MED4: variants seen among roughly 807,000 people sequenced by gnomAD.
The protein encoded by MED4 is mediator complex subunit 4.
A neutral mutation model predicts 35.0 loss-of-function variants in MED4; 21 were observed. The ratio of observed to expected loss-of-function variants is 0.60; its 90% CI spans 0.43 to 0.86. MED4 has a LOEUF of 0.86. MED4 is among the 40% of genes least tolerant of loss of function. The pLI, the probability that MED4 is intolerant of heterozygous loss-of-function variation, is 0.00. For missense variants in MED4, 300 were observed against 319.4 expected (o/e 0.94, Z 0.46); for synonymous variants, 138 against 114.0 (o/e 1.21, Z -1.34).
rs150483281 is a variant in MED4, at chr13:48,090,361, C to G, written c.183G>C (p.Glu61Asp). ...SRNQKLLQAG[E>D]ENQVLELLIH... ...AAAAGAAGCCACTTACCTGGTTTTC[C>G]TCTCCAGCCTGTAACAACTTTTGGT... The change falls in exon 2 of 7, where the codon GAG becomes GAC. Residue 61 changes from glutamate (E) to aspartate (D), a missense_variant. Coordinates refer to ENST00000258648, the MANE Select transcript of MED4 (RefSeq NM_014166.4). The G allele has an allele frequency of 2.1e-5, 33 of 1,582,054 alleles. No homozygotes were observed. The African/African-American group carries it at 3.9e-4, about 19-fold the overall frequency.
intron 6 of MED4, 130 bp downstream of exon 6, chr13:48,079,714 C>CCT: frequency 9.0e-7 from 1 of 1,109,846 alleles, no homozygotes; most frequent in Non-Finnish European, 1.3e-6. Context: ...CATAACAAGA[C>CCT]TGTCTCAAAT....
At chr13:48,090,475 G>GACA in intron 1 of MED4, 57 bp from the exon 2 acceptor site, 1 of 1,376,660 alleles carries the variant, frequency 7.3e-7, no homozygotes. Flanking sequence ...TGAACACTCA[G>GACA]GGCTACTCCC....
intron 3 of MED4, among the ~76,000 whole-genome samples, chr13:48,084,466 A>G (rs749460505): frequency 6.6e-6 from 1 of 152,122 alleles, no homozygotes; most frequent in Non-Finnish European, 1.5e-5. Context: ...CTGGTGCCTA[A>G]GTGCTCAATC....
chr13:48,088,459 T>C (rs12585766), intron 2 of MED4, among the ~76,000 whole-genome samples: 1,841 of 152,312 alleles, frequency 0.012, 63 homozygotes, highest in East Asian at 0.097. Flanking sequence ...AAGTAAAGTA[T>C]ATTCTATTTA....
intron 1 of MED4, among the ~76,000 whole-genome samples, chr13:48,091,706 C>T (rs960735643): frequency 3.3e-5 from 5 of 152,066 alleles, no homozygotes; most frequent in African/African-American, 1.2e-4. Context: ...TCAAAGTGAA[C>T]AATGGCACTT....
intron 3 of MED4, among the ~76,000 whole-genome samples, chr13:48,084,265 C>CAAAAAAAAAAAAAAAAAAAAA: frequency 9.1e-6 from 1 of 109,954 alleles, no homozygotes; most frequent in African/African-American, 3.6e-5. Context: ...GACTCTGTCT[C>CAAAAAAAAAAAAAAAAAAAAA]AAAAAAAAAA....
At chr13:48,083,504 GA>G in intron 3 of MED4, 76 bp from the exon 4 acceptor site, 1 of 1,165,616 alleles carries the variant, frequency 8.6e-7, no homozygotes, top group Non-Finnish European at 1.3e-6. Context: ...TAATTCACAA[GA>G]TCCTTTAGCC....
intron 2 of MED4, among the ~76,000 whole-genome samples, chr13:48,089,165 T>TAGAAGACTAGTAGTCTTCTATTAAC (rs1950872981): frequency 1.4e-5 from 2 of 145,472 alleles, no homozygotes; most frequent in Non-Finnish European, 3.0e-5. Flanking sequence ...TTAACATATT[T>TAGAAGACTAGTAGTCTTCTATTAAC]ATCTCTAGCC....
chr13:48,082,483 T>C (rs1418450022), intron 4 of MED4, among the ~76,000 whole-genome samples: 1 of 152,190 alleles, frequency 6.6e-6, no homozygotes, highest in Non-Finnish European at 1.5e-5. Flanking sequence ...CAGCCATCTC[T>C]CCTAGAGATT....
Position 48,076,761 on chromosome 13 carries a change from T to A in MED4, c.*378A>T, listed in dbSNP as rs1273082325. 1 of 156,552 alleles carries A rather than the reference T, an allele frequency of 6.4e-6. No individual in the cohort carries two copies. The highest frequency in any genetic ancestry group is 1.9e-4 in the East Asian group (1 of 5,360). The allele number at this position is 156,552 out of a possible 1,614,324, so 9.7% of individuals were successfully genotyped here. ...CAGTCATCCACTGCCAGTTTAAAAATGCTTTTCTAAATAATTCCAAGAAGC... is the reference window on the plus strand; with the variant it reads ...CAGTCATCCACTGCCAGTTTAAAAAAGCTTTTCTAAATAATTCCAAGAAGC... On this transcript the variant is annotated 3_prime_UTR_variant, in exon 7 of 7. Coordinates refer to ENST00000258648, the MANE Select transcript of MED4 (RefSeq NM_014166.4).
At chr13:48,087,565 A>G (rs1236690809) in intron 2 of MED4, among the ~76,000 whole-genome samples, 1 of 151,812 alleles carries the variant, frequency 6.6e-6, no homozygotes, top group Non-Finnish European at 1.5e-5. Context: ...AAATACGGTG[A>G]TTTCGGCCAG....
intron 4 of MED4, among the ~76,000 whole-genome samples, chr13:48,082,068 C>A (rs1222114783): frequency 6.6e-6 from 1 of 152,074 alleles, no homozygotes; most frequent in East Asian, 1.9e-4. Context: ...TTTCATTTCT[C>A]AAAGACATCC....
intron 5 of MED4, 113 bp downstream of exon 5, chr13:48,081,532 T>C (rs1189004740): frequency 1.7e-6 from 1 of 572,820 alleles, no homozygotes; most frequent in Non-Finnish European, 2.8e-6. Context: ...TGAAAATATG[T>C]GGCAGAGGTT....
intron 2 of MED4, among the ~76,000 whole-genome samples, chr13:48,087,677 T>C (rs1301856631): frequency 6.6e-6 from 1 of 151,814 alleles, no homozygotes; most frequent in African/African-American, 2.4e-5. Context: ...TGGTGAAACT[T>C]CGTCTCTACT....
chr13:48,090,258 A>G, intron 2 of MED4, 94 bp downstream of exon 2: 10 of 956,052 alleles, frequency 1.0e-5, no homozygotes, highest in Non-Finnish European at 1.6e-5. Context: ...TCCCACACAA[A>G]GTAAATATAA....
intron 3 of MED4, among the ~76,000 whole-genome samples, chr13:48,086,076 G>A (rs1452226785): frequency 2.0e-5 from 3 of 152,074 alleles, no homozygotes; most frequent in African/African-American, 4.8e-5. Context: ...TGGCTCACAA[G>A]TAATGCAGAC....
At position 48,076,206 on chromosome 13, in the gene MED4, T is replaced by C. The variant is rs567543597; in HGVS notation, c.*933A>G. The C allele has an allele frequency of 2.6e-5, 4 of 152,184 alleles. No homozygotes were observed. The highest frequency in any genetic ancestry group is 5.9e-5 in the Non-Finnish European group (4 of 68,014). 9.4% of individuals were successfully genotyped at this position (152,184 alleles called of 1,614,324 possible). A position where few individuals can be genotyped will look rare whatever the true frequency, so the allele number is the denominator to read the frequency against. On this transcript the variant is annotated 3_prime_UTR_variant, in exon 7 of 7. Transcript: ENST00000258648. Reference sequence around the variant, plus strand: ...ATTACCTTTGAAATCAGAAGATACATTGTCTAAAACTGATACATCAAGAAA... The same window carrying C: ...ATTACCTTTGAAATCAGAAGATACACTGTCTAAAACTGATACATCAAGAAA...
In MED4 at chr13:48,075,791, A is replaced by C. The variant is rs1165563111; in HGVS notation, c.*1348T>G. On this transcript the variant is annotated 3_prime_UTR_variant, in exon 7 of 7. Transcript: ENST00000258648. ...GATCAATATTCCTAGTATACGGACA[A>C]GGCAAGGTTAAAATTAGATATTGTG... Among the ~76,000 whole-genome samples the C allele has an allele frequency of 6.6e-6, 1 of 152,254 alleles. No homozygotes were observed. The highest frequency in any genetic ancestry group is 1.5e-5 in the Non-Finnish European group (1 of 68,048).
chr13:48,081,593 TA>T, intron 5 of MED4, 51 bp downstream of exon 5: 2 of 1,287,980 alleles, frequency 1.6e-6, no homozygotes, highest in Non-Finnish European at 1.1e-6. Flanking sequence ...CATAGTCACC[TA>T]AGAATCTTCA....
Sources: gnomAD v4.1 joint callset for allele counts (sites outside exome capture counted in the v4.1 genomes callset) on GRCh38, gnomAD v4.1.1 for gene constraint, MANE v1.5 for transcripts, NCBI Gene and HGNC (gene_info 2026-07-23, HGNC 2026-07-21) for gene names.